DLGAP4: variants seen among roughly 807,000 people sequenced by gnomAD.
The protein encoded by DLGAP4 is DLG associated protein 4.
In DLGAP4, 18 loss-of-function variants were observed where a neutral mutation model predicts 86.9. The ratio of observed to expected loss-of-function variants is 0.21; its 90% CI spans 0.14 to 0.31. The LOEUF is 0.31. Ranked by LOEUF, DLGAP4 falls within the 10% of genes least tolerant of loss-of-function variation. The pLI, the probability that DLGAP4 is intolerant of heterozygous loss-of-function variation, is 1.00. For synonymous variants in DLGAP4, 548 were observed against 574.3 expected, an observed-to-expected ratio of 0.95 and a Z score of 0.65; for missense variants, 1,085 against 1,362.6, an observed-to-expected ratio of 0.80 and a Z score of 3.21.
At chr20:36,427,099 T>C (rs1236169625) in intron 2 of DLGAP4, among the ~76,000 whole-genome samples, 1 of 151,980 alleles carries the variant, frequency 6.6e-6, no homozygotes, top group African/African-American at 2.4e-5. Context: ...TGGGAGGACA[T>C]TTGAGCCCAG....
intron 1 of DLGAP4, among the ~76,000 whole-genome samples, chr20:36,339,964 G>A (rs1013284135): frequency 1.3e-5 from 2 of 152,202 alleles, no homozygotes; most frequent in Admixed American, 6.5e-5. Flanking sequence ...AGGCTGGGTT[G>A]GGGGAGTGAG....
rs1026046453 is a variant in DLGAP4 at position 36,393,144 on chromosome 20, C to A, written c.-73+25869C>A. On this transcript the variant is annotated intron_variant, in intron 2 of 12. Coordinates refer to ENST00000339266, the MANE Select transcript of DLGAP4 (RefSeq NM_001365621.2). The surrounding 1 kb of genome is among the most constrained non-coding windows in gnomAD (Gnocchi z 4.4). ...TTTGGTCAAGAGCTCAGGGGTGAGACTAGGGTGGGACTGGAGAACTGGGAG... is the reference window on the plus strand; with the variant it reads ...TTTGGTCAAGAGCTCAGGGGTGAGAATAGGGTGGGACTGGAGAACTGGGAG... Among the ~76,000 whole-genome samples the A allele has an allele frequency of 4.0e-5, 6 of 151,686 alleles. No individual in the cohort carries two copies. Among genetic ancestry groups the A allele is most frequent in the Admixed American group, 6.6e-5 (1 of 15,234 alleles).
At chr20:36,435,969 G>C in intron 3 of DLGAP4, 140 bp from the exon 4 acceptor site, 1 of 1,293,052 alleles carries the variant, frequency 7.7e-7, no homozygotes, top group Non-Finnish European at 1.0e-6. Context: ...CTGCTGCCCC[G>C]AGGTTTCAAA....
intron 1 of DLGAP4, among the ~76,000 whole-genome samples, chr20:36,364,919 A>T (rs1270894521): frequency 6.6e-6 from 1 of 152,074 alleles, no homozygotes; most frequent in Non-Finnish European, 1.5e-5. Context: ...ATATAGCGAC[A>T]TTTCATCTCT....
At chr20:36,424,050 G>A (rs889672925) in intron 2 of DLGAP4, among the ~76,000 whole-genome samples, 5 of 152,214 alleles carry the variant, frequency 3.3e-5, no homozygotes, top group African/African-American at 1.2e-4. Flanking sequence ...GTGTCCTGCA[G>A]TGAGGAGGGG....
At chr20:36,504,108 GTT>G (rs1269055246) in intron 10 of DLGAP4, among the ~76,000 whole-genome samples, 3 of 152,002 alleles carry the variant, frequency 2.0e-5, no homozygotes, top group Non-Finnish European at 4.4e-5. Context: ...ATAACATAAA[GTT>G]TACCTTTTAA....
At chr20:36,381,533 G>A (rs557118466) in intron 2 of DLGAP4, among the ~76,000 whole-genome samples, 58 of 152,332 alleles carry the variant, frequency 3.8e-4, no homozygotes, top group African/African-American at 1.3e-3. Flanking sequence ...AGCAGGGAAA[G>A]AAAGTCATTT....
intron 10 of DLGAP4, among the ~76,000 whole-genome samples, chr20:36,504,353 T>TTCATTTTTATGGCC (rs1184255046): frequency 7.4e-6 from 1 of 134,490 alleles, no homozygotes; most frequent in African/African-American, 4.1e-5. Flanking sequence ...TTACAGCATT[T>TTCATTTTTATGGCC]TCATTTTTAT....
intron 10 of DLGAP4, among the ~76,000 whole-genome samples, chr20:36,501,254 C>T (rs1487867716): frequency 1.3e-5 from 2 of 151,884 alleles, no homozygotes; most frequent in Non-Finnish European, 2.9e-5. Context: ...TTAGTAGAGA[C>T]GGGGTTTCAC....
chr20:36,329,841 G>C (rs1038420145), intron 1 of DLGAP4, among the ~76,000 whole-genome samples: 4 of 152,182 alleles, frequency 2.6e-5, no homozygotes, highest in African/African-American at 9.7e-5. Flanking sequence ...GACCAGCCTG[G>C]CCAACATGGT....
intron 4 of DLGAP4, among the ~76,000 whole-genome samples, chr20:36,437,219 A>G (rs1053854740): frequency 2.6e-5 from 4 of 152,178 alleles, no homozygotes; most frequent in Non-Finnish European, 5.9e-5. Context: ...GAGCCCGGCC[A>G]ATTGGAGAAC....
At chr20:36,501,097 C>A (rs1024250118) in intron 10 of DLGAP4, among the ~76,000 whole-genome samples, 4 of 144,260 alleles carry the variant, frequency 2.8e-5, no homozygotes, top group Non-Finnish European at 5.9e-5. Flanking sequence ...CGGAGTCTTG[C>A]TCCATCACCC....
At chr20:36,343,982 G>A (rs1375555068) in intron 1 of DLGAP4, among the ~76,000 whole-genome samples, 7 of 152,208 alleles carry the variant, frequency 4.6e-5, no homozygotes, top group Non-Finnish European at 5.9e-5. Flanking sequence ...CTGCTGTTCC[G>A]GCCATGGGGG....
intron 2 of DLGAP4, among the ~76,000 whole-genome samples, chr20:36,378,376 A>G (rs939213598): frequency 1.1e-4 from 16 of 152,192 alleles, no homozygotes; most frequent in African/African-American, 3.9e-4. Flanking sequence ...TAGTATTATC[A>G]TCATCCTTGT....
intron 7 of DLGAP4, among the ~76,000 whole-genome samples, chr20:36,486,798 G>T (rs1000265969): frequency 2.0e-5 from 3 of 151,980 alleles, no homozygotes; most frequent in Non-Finnish European, 2.9e-5. Flanking sequence ...TTTTAGTAGA[G>T]GCGGGGTTTC....
At chr20:36,425,089 G>A (rs1483819576) in intron 2 of DLGAP4, among the ~76,000 whole-genome samples, 6 of 152,150 alleles carry the variant, frequency 3.9e-5, no homozygotes, top group African/African-American at 7.2e-5. Flanking sequence ...AGGAAAGAGC[G>A]AGTAAGTGGT....
At chr20:36,356,612 G>A (rs368839562) in intron 1 of DLGAP4, among the ~76,000 whole-genome samples, 3 of 150,690 alleles carry the variant, frequency 2.0e-5, no homozygotes, top group African/African-American at 4.9e-5. Flanking sequence ...CGCCTGGCCC[G>A]TTGTTGTTTT....
chr20:36,461,701 CCCTCCTCCT>C (rs1175791446), intron 7 of DLGAP4: 5 of 679,114 alleles, frequency 7.4e-6, no homozygotes, highest in East Asian at 3.6e-4. Flanking sequence ...CCCGCCCTCG[CCCTCCTCCT>C]CCTCCTCCTC....
In DLGAP4 at chr20:36,384,697, T is replaced by C. The variant is rs566934184; in HGVS notation, c.-73+17422T>C. ...ACACACGGAGGAAAGCAGGAGTGAA[T>C]TGTCAAATGCAGATACTCTTGGAAC... is the stretch of plus-strand genomic sequence containing the variant. On this transcript the variant is annotated intron_variant, in intron 2 of 12. Transcript: ENST00000339266. Among the ~76,000 whole-genome samples, 18 of 152,210 alleles carry C rather than the reference T, an allele frequency of 1.2e-4. No homozygotes were observed. In the South Asian group the frequency reaches 2.1e-3, roughly 18 times the overall value.
Sources: allele counts gnomAD v4.1 joint callset (sites outside exome capture counted in the v4.1 genomes callset), GRCh38; gene constraint gnomAD v4.1.1; non-coding constraint Gnocchi (gnomAD v3.1); transcripts MANE v1.5; gene names NCBI Gene and HGNC (gene_info 2026-07-23, HGNC 2026-07-21).